Variants in CSMD3 observed in about 807,000 individuals in gnomAD.
The protein encoded by CSMD3 is CUB and sushi domain-containing protein 3.
A neutral mutation model predicts 435.2 loss-of-function variants in CSMD3; 177 were observed. The ratio of observed to expected loss-of-function variants is 0.41; its 90% CI spans 0.36 to 0.46. The LOEUF is 0.46. Among genes scored for constraint, CSMD3 ranks in the 20% least tolerant of loss-of-function variants. The pLI is 0.34. For synonymous variants in CSMD3, 1,656 were observed against 1,520.5 expected (o/e 1.09, Z -2.07); for missense variants, 4,265 against 4,504.6 (o/e 0.95, Z 1.52).
At chr8:112,735,438 A>G (rs1326188998) in intron 13 of CSMD3, among the ~76,000 whole-genome samples, 2 of 152,076 alleles carry the variant, frequency 1.3e-5, no homozygotes, top group Non-Finnish European at 2.9e-5. Flanking sequence ...AGGTTACCAC[A>G]TAAGTGTTAA....
intron 1 of CSMD3, among the ~76,000 whole-genome samples, chr8:113,350,448 A>G (rs574685749): frequency 5.5e-4 from 84 of 152,236 alleles, no homozygotes; most frequent in Admixed American, 2.6e-4. Flanking sequence ...CTAATTAAGG[A>G]GCAAACAAGT....
At chr8:113,051,213 C>T (rs1452148549) in intron 5 of CSMD3, among the ~76,000 whole-genome samples, 1 of 152,054 alleles carries the variant, frequency 6.6e-6, no homozygotes, top group Non-Finnish European at 1.5e-5. Flanking sequence ...GTTACATTAG[C>T]CTGGAAGGCT....
chr8:112,247,390 G>A (rs1029944959), intron 63 of CSMD3, among the ~76,000 whole-genome samples: 1 of 151,910 alleles, frequency 6.6e-6, no homozygotes, highest in Non-Finnish European at 1.5e-5. Flanking sequence ...TTTTTGCCAT[G>A]GGAATTTGAA....
chr8:112,795,034 G>A (rs1361943014), intron 13 of CSMD3, among the ~76,000 whole-genome samples: 1 of 152,030 alleles, frequency 6.6e-6, no homozygotes, highest in East Asian at 1.9e-4. Context: ...AAAACGTCCA[G>A]ATAGTTTTAT....
intron 10 of CSMD3, among the ~76,000 whole-genome samples, chr8:112,909,740 T>C (rs886719035): frequency 6.6e-6 from 1 of 151,858 alleles, no homozygotes; most frequent in Non-Finnish European, 1.5e-5. Flanking sequence ...CCTCATTTCA[T>C]TTCTTCCCAA....
rs1827606325 is a variant in CSMD3, at chr8:112,550,745, G to A, written c.4490C>T (p.Thr1497Ile). Residue 1497 changes from threonine to isoleucine, a missense_variant, in exon 27 of 71, where the codon ACC (threonine) becomes ATC (isoleucine). Physicochemically the swap from Thr to Ile is moderately conservative, Grantham distance 89. This residue lies in a region of CSMD3 where 3,255 missense variants were observed against 3,380.2 expected (regional missense o/e 0.96). Coordinates refer to ENST00000297405, the MANE Select transcript of CSMD3 (RefSeq NM_198123.2). Reference sequence around the variant, plus strand: ...AAACTGGATGGTTACTATATTGAGGGTGCTATGAATTCCTTCAGGAATAAG... The same window carrying A: ...AAACTGGATGGTTACTATATTGAGGATGCTATGAATTCCTTCAGGAATAAG... ...GSLIPEGIHS[T>I]LNIVTIQFDT... 1 of 1,604,696 alleles carries A rather than the reference G, an allele frequency of 6.2e-7. No homozygotes were observed. The highest frequency in any genetic ancestry group is 8.5e-7 in the Non-Finnish European group (1 of 1,171,972).
At chr8:112,430,743 G>A (rs1813577783) in intron 32 of CSMD3, among the ~76,000 whole-genome samples, 1 of 151,976 alleles carries the variant, frequency 6.6e-6, no homozygotes, top group Admixed American at 6.6e-5. Context: ...TGCTGATTTT[G>A]GATAATACTC....
At chr8:113,344,680 G>GT (rs1373759641) in intron 1 of CSMD3, among the ~76,000 whole-genome samples, 1 of 152,030 alleles carries the variant, frequency 6.6e-6, no homozygotes, top group Non-Finnish European at 1.5e-5. Context: ...ACAAAAATAG[G>GT]TAACATGGAA....
chr8:113,238,574 AG>A (rs2093176383), intron 3 of CSMD3, among the ~76,000 whole-genome samples: 1 of 152,096 alleles, frequency 6.6e-6, no homozygotes, highest in African/African-American at 2.4e-5. Flanking sequence ...GTAGCAACCA[AG>A]TAGGTGCTTT....
chr8:112,494,544 TTTCTTTCTTTC>T (rs1821114938), intron 30 of CSMD3, among the ~76,000 whole-genome samples: 3 of 144,250 alleles, frequency 2.1e-5, no homozygotes, highest in Non-Finnish European at 1.5e-5. Context: ...TCTTTCTTTC[TTTCTTTCTTTC>T]TTTCTTTCTT....
chr8:112,476,494 T>C (rs1819065541), intron 31 of CSMD3, among the ~76,000 whole-genome samples: 1 of 152,168 alleles, frequency 6.6e-6, no homozygotes, highest in African/African-American at 2.4e-5. Context: ...ACAAACTTAT[T>C]TGACCATGAA....
chr8:113,306,226 T>C (rs2093819991), intron 2 of CSMD3, among the ~76,000 whole-genome samples: 2 of 152,194 alleles, frequency 1.3e-5, no homozygotes, highest in Admixed American at 1.3e-4. Flanking sequence ...CTCTATGCCA[T>C]TGAGTCAGAC....
rs559706731 is a variant in CSMD3 at position 112,445,488 on chromosome 8, G to A, written c.5395+27103C>T. On this transcript the variant is annotated intron_variant, in intron 32 of 70. Coordinates refer to ENST00000297405, the MANE Select transcript of CSMD3 (RefSeq NM_198123.2). Reference sequence around the variant, plus strand: ...TGAGAAGGTGTGTCATGGTGACAGTGAGAGTGGGAGCTTGGTGGGGGAAGG... The same window carrying A: ...TGAGAAGGTGTGTCATGGTGACAGTAAGAGTGGGAGCTTGGTGGGGGAAGG... 9.8e-5 allele frequency among the ~76,000 whole-genome samples: 15 copies of A among 152,292 alleles called. 1 individual carries two copies. The South Asian group carries it at 2.3e-3, about 23-fold the overall frequency.
chr8:113,293,110 T>C (rs1209220281), intron 2 of CSMD3, among the ~76,000 whole-genome samples: 1 of 151,740 alleles, frequency 6.6e-6, no homozygotes, highest in Non-Finnish European at 1.5e-5. Context: ...AGACAAAATT[T>C]TACTATTTAT....
chr8:112,462,214 A>G (rs1464131954), intron 32 of CSMD3, among the ~76,000 whole-genome samples: 1 of 152,240 alleles, frequency 6.6e-6, no homozygotes, highest in African/African-American at 2.4e-5. Flanking sequence ...ATGTCAAAAT[A>G]ATCTTCGGCA....
intron 2 of CSMD3, among the ~76,000 whole-genome samples, chr8:113,280,478 T>C (rs780515497): frequency 1.8e-4 from 27 of 151,986 alleles, no homozygotes; most frequent in Non-Finnish European, 1.5e-5. Flanking sequence ...CCTTGAACGA[T>C]CTTTTGCATT....
intron 5 of CSMD3, among the ~76,000 whole-genome samples, chr8:113,056,424 T>C (rs1452921847): frequency 6.6e-6 from 1 of 152,236 alleles, no homozygotes. Context: ...TTTTCATTGC[T>C]AAACAATATA....
At chr8:112,888,201 T>C (rs2081667166) in intron 10 of CSMD3, among the ~76,000 whole-genome samples, 1 of 151,596 alleles carries the variant, frequency 6.6e-6, no homozygotes, top group South Asian at 2.1e-4. Context: ...CAGAAACAAG[T>C]GGAAATGAAA....
At chr8:112,553,157 T>C (rs931410143) in intron 25 of CSMD3, among the ~76,000 whole-genome samples, 1 of 152,074 alleles carries the variant, frequency 6.6e-6, no homozygotes, top group Non-Finnish European at 1.5e-5. Context: ...CTAAATTTCA[T>C]TGTCCTTTTA....
Sources: gnomAD v4.1 joint callset for allele counts (sites outside exome capture counted in the v4.1 genomes callset) on GRCh38, gnomAD v4.1.1 for gene constraint, gnomAD v4.1.1 regional missense constraint, MANE v1.5 for transcripts, NCBI Gene and HGNC (gene_info 2026-07-23, HGNC 2026-07-21) for gene names.